F13A1: variants seen among roughly 807,000 people sequenced by gnomAD.
F13A1 encodes the protein FSF, A subunit.
A neutral mutation model predicts 80.1 loss-of-function variants in F13A1; 47 were observed. The ratio of observed to expected loss-of-function variants is 0.59; its 90% CI spans 0.46 to 0.75. The LOEUF (loss-of-function observed/expected upper bound fraction) is 0.75. Among genes scored for constraint, F13A1 ranks in the 30% least tolerant of loss-of-function variants. F13A1 has a pLI of 0.00. For synonymous variants in F13A1, 349 were observed against 344.9 expected (o/e 1.01, Z -0.13); for missense variants, 817 against 930.4 (o/e 0.88, Z 1.59).
At chr6:6,263,561 C>A (rs1387723533) in intron 4 of F13A1, among the ~76,000 whole-genome samples, 2 of 152,192 alleles carry the variant, frequency 1.3e-5, no homozygotes, top group Non-Finnish European at 1.5e-5. Flanking sequence ...CCTAACCGTG[C>A]CCATGTTTAC....
At chr6:6,202,253 C>T (rs1322238031) in intron 8 of F13A1, among the ~76,000 whole-genome samples, 1 of 151,566 alleles carries the variant, frequency 6.6e-6, no homozygotes, top group Admixed American at 6.6e-5. Context: ...TGGAAAATAC[C>T]AACTGATTCC....
intron 3 of F13A1, chr6:6,305,004 T>C: frequency 1.1e-5 from 4 of 380,520 alleles, no homozygotes; most frequent in Non-Finnish European, 2.0e-5. Context: ...CATGCTAAGA[T>C]TTACAAACAT....
intron 6 of F13A1, among the ~76,000 whole-genome samples, chr6:6,239,554 C>T (rs115927381): frequency 0.026 from 3,941 of 152,084 alleles, 176 homozygotes; most frequent in African/African-American, 0.09. Context: ...ATATATATGA[C>T]CCAAGCTCTG....
At chr6:6,320,141 T>C (rs771875991) in intron 1 of F13A1, among the ~76,000 whole-genome samples, 42 of 151,842 alleles carry the variant, frequency 2.8e-4, no homozygotes, top group Non-Finnish European at 5.3e-4. Context: ...CAGCTCCAAA[T>C]TGGGACGGAG....
chr6:6,182,078 C>T lies in F13A1; in HGVS notation c.1369G>A (p.Asp457Asn), dbSNP rs1280546712. The part of the protein sequence containing the change: ...KDGTHVVENV[D>N]ATHIGKLIVT... ...ATTAATTTCCCAATGTGGGTGGCAT[C>T]CACATTTTCCACCACATGAGTGCCA... The change falls in exon 11 of 15, where the codon GAT becomes AAT. Residue 457 changes from aspartate to asparagine, a missense_variant. Coordinates refer to ENST00000264870, the MANE Select transcript of F13A1 (RefSeq NM_000129.4). The T allele has an allele frequency of 6.2e-7, 1 of 1,614,178 alleles. No homozygotes were observed. Among genetic ancestry groups the T allele is most frequent in the Non-Finnish European group, 8.5e-7 (1 of 1,180,000 alleles).
At chr6:6,225,598 CTT>C (rs1757266010) in intron 6 of F13A1, among the ~76,000 whole-genome samples, 2 of 152,098 alleles carry the variant, frequency 1.3e-5, no homozygotes, top group African/African-American at 4.8e-5. Flanking sequence ...GCCTCGAACT[CTT>C]AGGCTCAAGT....
In F13A1 at chr6:6,264,602, A is replaced by G. The variant is rs562995484; in HGVS notation, c.571+1956T>C. 9.2e-5 allele frequency among the ~76,000 whole-genome samples: 14 copies of G among 152,176 alleles called. No individual in the cohort carries two copies. In the South Asian group the frequency reaches 2.1e-3, roughly 23 times the overall value. ...AGGTACAGATAACTCCCAAATATAT[A>G]TCTCTGATTTTCTTCTCCAGATTCA... On this transcript the variant is annotated intron_variant, in intron 4 of 14. Transcript: ENST00000264870.
intron 1 of F13A1, among the ~76,000 whole-genome samples, chr6:6,319,071 GATTT>G (rs904549670): frequency 6.6e-5 from 10 of 152,180 alleles, no homozygotes; most frequent in African/African-American, 1.7e-4. Context: ...ATTTCATACA[GATTT>G]ATGAGATTAT....
intron 13 of F13A1, among the ~76,000 whole-genome samples, chr6:6,163,102 G>T (rs1467592630): frequency 6.6e-6 from 1 of 152,204 alleles, no homozygotes; most frequent in Non-Finnish European, 1.5e-5. Context: ...AGCAGGAAGG[G>T]CTGTGGTCTC....
chr6:6,170,594 T>C (rs1760755765), intron 12 of F13A1, among the ~76,000 whole-genome samples: 1 of 152,206 alleles, frequency 6.6e-6, no homozygotes, highest in Non-Finnish European at 1.5e-5. Context: ...AGACTGGAGC[T>C]GCCTCATCTC....
At chr6:6,236,135 G>A (rs1583086705) in intron 6 of F13A1, among the ~76,000 whole-genome samples, 1 of 152,048 alleles carries the variant, frequency 6.6e-6, no homozygotes, top group African/African-American at 2.4e-5. Context: ...CAGTGATGGG[G>A]GATGGTACAC....
At chr6:6,226,472 G>A (rs1007140644) in intron 6 of F13A1, among the ~76,000 whole-genome samples, 3 of 152,230 alleles carry the variant, frequency 2.0e-5, no homozygotes, top group Non-Finnish European at 4.4e-5. Flanking sequence ...ACATATGATT[G>A]AAGCATGTGT....
At chr6:6,155,685 G>A (rs1194517510) in intron 13 of F13A1, among the ~76,000 whole-genome samples, 1 of 152,124 alleles carries the variant, frequency 6.6e-6, no homozygotes, top group Non-Finnish European at 1.5e-5. Flanking sequence ...AACTGGAGGT[G>A]TCTCCCTCTC....
chr6:6,174,083 G>A (rs1027965580), intron 12 of F13A1, among the ~76,000 whole-genome samples: 6 of 152,150 alleles, frequency 3.9e-5, no homozygotes, highest in Admixed American at 6.5e-5. Context: ...TGCATGAGAC[G>A]TGAGGATGAA....
At chr6:6,302,428 A>G (rs1008248113) in intron 3 of F13A1, among the ~76,000 whole-genome samples, 3 of 152,214 alleles carry the variant, frequency 2.0e-5, no homozygotes, top group African/African-American at 4.8e-5. Context: ...AGTGTGTTTT[A>G]CTGTACTGAA....
chr6:6,182,220 C>A, intron 10 of F13A1, 79 bp from the exon 11 acceptor site: 1 of 1,495,710 alleles, frequency 6.7e-7, no homozygotes, highest in South Asian at 1.1e-5. Context: ...ATAGAGCAGT[C>A]GTCTAGAGAT....
intron 10 of F13A1, among the ~76,000 whole-genome samples, chr6:6,193,350 T>G (rs1761235012): frequency 6.6e-6 from 1 of 152,146 alleles, no homozygotes; most frequent in South Asian, 2.1e-4. Context: ...AAAGTCAGCA[T>G]GCTGGGAGGG....
At chr6:6,233,725 C>T (rs1757380946) in intron 6 of F13A1, among the ~76,000 whole-genome samples, 2 of 152,074 alleles carry the variant, frequency 1.3e-5, no homozygotes, top group Non-Finnish European at 2.9e-5. Context: ...CTGAATCCAA[C>T]AACATATCAA....
At chr6:6,171,100 A>G (rs1266772274) in intron 12 of F13A1, among the ~76,000 whole-genome samples, 1 of 152,174 alleles carries the variant, frequency 6.6e-6, no homozygotes, top group African/African-American at 2.4e-5. Flanking sequence ...GGGAAGGGGA[A>G]GGAGATTATG....
Sources: gnomAD v4.1 joint callset for allele counts (sites outside exome capture counted in the v4.1 genomes callset) on GRCh38, gnomAD v4.1.1 for gene constraint, MANE v1.5 for transcripts, NCBI Gene and HGNC (gene_info 2026-07-23, HGNC 2026-07-21) for gene names.